Variants in FSTL5 observed in about 807,000 individuals in gnomAD.
The protein encoded by FSTL5 is follistatin-related protein 5.
Under a neutral mutation model 89.1 loss-of-function variants are expected in FSTL5, and 62 were observed. That is an observed-to-expected ratio of 0.70 (90% CI 0.57 to 0.86). The LOEUF (loss-of-function observed/expected upper bound fraction) is 0.86. Among genes scored for constraint, FSTL5 ranks in the 40% least tolerant of loss-of-function variants. FSTL5 has a pLI of 0.00. For missense variants in FSTL5, 1,057 were observed against 1,001.6 expected, an observed-to-expected ratio of 1.06 and a Z score of -0.75; for synonymous variants, 383 against 346.2, an observed-to-expected ratio of 1.11 and a Z score of -1.18.
At chr4:161,604,748 C>T (rs1367028059) in intron 7 of FSTL5, among the ~76,000 whole-genome samples, 1 of 152,122 alleles carries the variant, frequency 6.6e-6, no homozygotes, top group Non-Finnish European at 1.5e-5. Context: ...ATGGGGACTG[C>T]TGTAAACTGC....
chr4:161,820,872 T>C (rs1730469292), intron 4 of FSTL5, among the ~76,000 whole-genome samples: 1 of 152,054 alleles, frequency 6.6e-6, no homozygotes, highest in South Asian at 2.1e-4. Flanking sequence ...TTTGTATGTT[T>C]GTTACAACAC....
chr4:162,000,955 A>C (rs1736446411), intron 3 of FSTL5, among the ~76,000 whole-genome samples: 1 of 152,182 alleles, frequency 6.6e-6, no homozygotes. Context: ...AAGTTTTGGA[A>C]ATGGATTACT....
chr4:161,928,148 G>T (rs915227915), intron 3 of FSTL5, among the ~76,000 whole-genome samples: 1 of 151,714 alleles, frequency 6.6e-6, no homozygotes, highest in Non-Finnish European at 1.5e-5. Flanking sequence ...CATAAAGTTG[G>T]AATTATACAA....
At chr4:161,457,321 A>G (rs544253073) in intron 14 of FSTL5, among the ~76,000 whole-genome samples, 48 of 152,220 alleles carry the variant, frequency 3.2e-4, no homozygotes, top group African/African-American at 1.1e-3. Flanking sequence ...TTATATTTTC[A>G]CTTGTGACAT....
chr4:162,077,409 G>A (rs1364105976), intron 2 of FSTL5, among the ~76,000 whole-genome samples: 2 of 151,774 alleles, frequency 1.3e-5, no homozygotes, highest in Non-Finnish European at 2.9e-5. Flanking sequence ...ATAGTAATAT[G>A]TCTAATCAAA....
intron 6 of FSTL5, among the ~76,000 whole-genome samples, chr4:161,697,608 C>T (rs1230641986): frequency 2.0e-5 from 3 of 152,118 alleles, no homozygotes; most frequent in South Asian, 2.1e-4. Context: ...ACGTAAGTGC[C>T]GGCCAATGGA....
rs1454483449 is a variant in FSTL5 at position 161,588,457 on chromosome 4, A to C, written c.895-882T>G. On this transcript the variant is annotated intron_variant, in intron 7 of 15. Transcript: ENST00000306100. Reference sequence around the variant, plus strand: ...TGAATACAATAACCATACCACTTCAAAATAGTGGAGATAAATGCATAACCA... The same window carrying C: ...TGAATACAATAACCATACCACTTCACAATAGTGGAGATAAATGCATAACCA... Among the ~76,000 whole-genome samples the C allele has an allele frequency of 5.9e-5, 9 of 152,280 alleles. No homozygotes were observed. In the East Asian group the frequency reaches 1.7e-3, roughly 29 times the overall value.
At chr4:161,708,435 A>G (rs987820253) in intron 6 of FSTL5, among the ~76,000 whole-genome samples, 1 of 152,084 alleles carries the variant, frequency 6.6e-6, no homozygotes, top group Non-Finnish European at 1.5e-5. Flanking sequence ...TAATAAATAA[A>G]GAAATCAAAA....
chr4:161,835,534 A>G (rs893241875), intron 4 of FSTL5, among the ~76,000 whole-genome samples: 1 of 152,108 alleles, frequency 6.6e-6, no homozygotes, highest in African/African-American at 2.4e-5. Flanking sequence ...ACATGGGAGA[A>G]AATTTTCACA....
At chr4:161,682,981 G>C (rs28675725) in intron 6 of FSTL5, among the ~76,000 whole-genome samples, 3 of 151,850 alleles carry the variant, frequency 2.0e-5, no homozygotes, top group Admixed American at 6.6e-5. Context: ...TCCTGACCTC[G>C]TGATCCACCC....
chr4:161,995,685 T>G (rs1578929953), intron 3 of FSTL5, among the ~76,000 whole-genome samples: 1 of 152,164 alleles, frequency 6.6e-6, no homozygotes, highest in East Asian at 1.9e-4. Flanking sequence ...AGTTGTTAAT[T>G]AATAAATAAT....
chr4:161,466,302 AC>A (rs1029141206), intron 13 of FSTL5, among the ~76,000 whole-genome samples: 7 of 152,188 alleles, frequency 4.6e-5, no homozygotes, highest in African/African-American at 1.7e-4. Context: ...TGCATATACA[AC>A]AAAGTTAAAA....
intron 3 of FSTL5, among the ~76,000 whole-genome samples, chr4:161,925,646 C>T (rs932831753): frequency 4.0e-5 from 6 of 151,794 alleles, no homozygotes; most frequent in African/African-American, 1.5e-4. Context: ...GAATAATGCA[C>T]TGAAAATTCC....
intron 8 of FSTL5, among the ~76,000 whole-genome samples, chr4:161,570,846 T>C (rs1249080544): frequency 6.6e-6 from 1 of 152,108 alleles, no homozygotes; most frequent in Non-Finnish European, 1.5e-5. Context: ...CCGGGTGTGG[T>C]GGTTCACACC....
chr4:161,691,793 T>C (rs1737952560), intron 6 of FSTL5, among the ~76,000 whole-genome samples: 1 of 152,142 alleles, frequency 6.6e-6, no homozygotes, highest in Non-Finnish European at 1.5e-5. Flanking sequence ...ATGAATGGAA[T>C]TCTCTTATTT....
chr4:162,140,215 T>G (rs1232034387), intron 1 of FSTL5, among the ~76,000 whole-genome samples: 2 of 152,144 alleles, frequency 1.3e-5, no homozygotes, highest in African/African-American at 4.8e-5. Flanking sequence ...AAAATGCTAT[T>G]CACCATGTCT....
At chr4:161,577,758 A>G (rs902045016) in intron 8 of FSTL5, among the ~76,000 whole-genome samples, 5 of 152,152 alleles carry the variant, frequency 3.3e-5, no homozygotes, top group Non-Finnish European at 7.4e-5. Context: ...GCAAAATTTT[A>G]TGACTACGGA....
intron 4 of FSTL5, among the ~76,000 whole-genome samples, chr4:161,891,362 G>A (rs1732982884): frequency 6.6e-6 from 1 of 151,944 alleles, no homozygotes; most frequent in Non-Finnish European, 1.5e-5. Context: ...TCTCCTTTAA[G>A]ACAAATGTTA....
At chr4:161,890,453 G>C (rs1202598718) in intron 4 of FSTL5, among the ~76,000 whole-genome samples, 3 of 152,080 alleles carry the variant, frequency 2.0e-5, no homozygotes, top group African/African-American at 7.2e-5. Flanking sequence ...ACTTTGGGAA[G>C]CCAAGGTGGG....
Sources: allele counts gnomAD v4.1 joint callset (sites outside exome capture counted in the v4.1 genomes callset), GRCh38; gene constraint gnomAD v4.1.1; transcripts MANE v1.5; gene names NCBI Gene and HGNC (gene_info 2026-07-23, HGNC 2026-07-21).